PRKG1: variants seen among roughly 807,000 people sequenced by gnomAD.
PRKG1 encodes the protein protein kinase cGMP-dependent 1, also known as cGMP-dependent protein kinase 1.
PRKG1 carries 35 observed loss-of-function variants against 88.1 expected under a neutral mutation model. That is an observed-to-expected ratio of 0.40 (90% confidence interval 0.30 to 0.53). PRKG1 has a LOEUF of 0.53. Among genes scored for constraint, PRKG1 ranks in the 20% least tolerant of loss-of-function variants. The pLI is 0.59. For missense variants in PRKG1, 540 were observed against 839.8 expected, an observed-to-expected ratio of 0.64 and a Z score of 4.41; for synonymous variants, 303 against 292.5, an observed-to-expected ratio of 1.04 and a Z score of -0.37.
At chr10:51,712,723 G>A (rs1313392811) in intron 3 of PRKG1, among the ~76,000 whole-genome samples, 1 of 151,364 alleles carries the variant, frequency 6.6e-6, no homozygotes, top group Non-Finnish European at 1.5e-5. Context: ...CGGAGTAGCT[G>A]GGACTATAGG....
In PRKG1 at chr10:52,288,894, A is replaced by G. The variant is rs201926379; in HGVS notation, c.1833-37A>G. 4 of 1,594,906 alleles carry G rather than the reference A, an allele frequency of 2.5e-6. No individual in the cohort carries two copies. The East Asian group carries it at 6.7e-5, about 27-fold the overall frequency. ...ATTTTTGAAAACATCATAATGTGAA[A>G]AAATTAGATTTAATAAAACCATTAT... On this transcript the variant is annotated intron_variant, in intron 15 of 17. Transcript: ENST00000373980.
intron 2 of PRKG1, among the ~76,000 whole-genome samples, chr10:51,458,170 A>G (rs1375034019): frequency 6.6e-6 from 1 of 152,190 alleles, no homozygotes; most frequent in African/African-American, 2.4e-5. Context: ...TCAAGCGCAG[A>G]TATTTTAAAC....
At chr10:51,619,727 G>T (rs980729593) in intron 3 of PRKG1, among the ~76,000 whole-genome samples, 1 of 152,150 alleles carries the variant, frequency 6.6e-6, no homozygotes, top group East Asian at 1.9e-4. Context: ...CGTTTTAAAA[G>T]ATTTTAGAGA....
intron 2 of PRKG1, among the ~76,000 whole-genome samples, chr10:51,190,640 T>C (rs1308090731): frequency 2.0e-5 from 3 of 151,874 alleles, no homozygotes; most frequent in Non-Finnish European, 4.4e-5. Context: ...CTTTGTGCTC[T>C]CTTTCCTTTG....
intron 3 of PRKG1, among the ~76,000 whole-genome samples, chr10:51,621,628 A>C (rs1408625038): frequency 1.3e-5 from 2 of 152,132 alleles, no homozygotes; most frequent in East Asian, 1.9e-4. Context: ...GAAAAACCAA[A>C]ACCTCTATCT....
At position 52,102,189 on chromosome 10, in the gene PRKG1, G is replaced by C. The variant is rs368225427; in HGVS notation, c.936-31651G>C. On this transcript the variant is annotated intron_variant, in intron 7 of 17. Transcript: ENST00000373980. Reference sequence around the variant, plus strand: ...GCCTTTTTACAGTTTTTTTTGTTTTGTTTTTTGTTGTTTACATTGGACAAT... The same window carrying C: ...GCCTTTTTACAGTTTTTTTTGTTTTCTTTTTTGTTGTTTACATTGGACAAT... Among the ~76,000 whole-genome samples, 47 of 151,936 alleles carry C rather than the reference G, an allele frequency of 3.1e-4. No homozygotes were observed. The East Asian group carries it at 7.7e-3, about 25-fold the overall frequency.
intron 1 of PRKG1, among the ~76,000 whole-genome samples, chr10:51,016,615 A>G (rs946134269): frequency 1.4e-5 from 2 of 144,660 alleles, no homozygotes; most frequent in African/African-American, 2.6e-5. Context: ...GCAGTTTTAT[A>G]TTATTTCATT....
At chr10:51,235,301 T>C (rs1243953666) in intron 2 of PRKG1, among the ~76,000 whole-genome samples, 1 of 152,184 alleles carries the variant, frequency 6.6e-6, no homozygotes, top group Non-Finnish European at 1.5e-5. Flanking sequence ...TTTGTTCCTC[T>C]TTGGACACAA....
chr10:51,635,251 T>A (rs1432611521), intron 3 of PRKG1, among the ~76,000 whole-genome samples: 1 of 138,228 alleles, frequency 7.2e-6, no homozygotes, highest in Non-Finnish European at 1.5e-5. Context: ...TGAAATAGAC[T>A]GGAAAGGAAA....
intron 4 of PRKG1, among the ~76,000 whole-genome samples, chr10:51,810,826 C>T (rs552777092): frequency 6.6e-6 from 1 of 152,160 alleles, no homozygotes; most frequent in African/African-American, 2.4e-5. Flanking sequence ...ATGGGCCATA[C>T]TTCAACCAAA....
intron 3 of PRKG1, among the ~76,000 whole-genome samples, chr10:51,744,553 A>G: frequency 6.6e-6 from 1 of 152,198 alleles, no homozygotes; most frequent in Non-Finnish European, 1.5e-5. Context: ...CTACCCTTAC[A>G]TAAGAATAGT....
intron 5 of PRKG1, among the ~76,000 whole-genome samples, chr10:51,957,600 A>G (rs988650164): frequency 2.0e-5 from 3 of 152,290 alleles, no homozygotes; most frequent in Middle Eastern, 3.4e-3. Context: ...ACTGTGAAAA[A>G]TATTTTAAAA....
Position 52,297,299 on chromosome 10 carries a change from G to C in PRKG1, c.*3399G>C, listed in dbSNP as rs1434090693. ...TATTGAAAATTATGTCAACTGTACT[G>C]TTATTCATCTGTCCCATAGTTTAGA... On this transcript the variant is annotated 3_prime_UTR_variant, in exon 18 of 18. Coordinates refer to ENST00000373980, the MANE Select transcript of PRKG1 (RefSeq NM_006258.4). The C allele has an allele frequency of 6.6e-6, 1 of 151,934 alleles. No homozygotes were observed. Among genetic ancestry groups the C allele is most frequent in the Non-Finnish European group, 1.5e-5 (1 of 67,972 alleles). 9.4% of individuals were successfully genotyped at this position (151,934 alleles called of 1,614,324 possible).
chr10:51,109,162 G>A (rs955516198), intron 1 of PRKG1, among the ~76,000 whole-genome samples: 2 of 152,008 alleles, frequency 1.3e-5, no homozygotes, highest in African/African-American at 4.8e-5. Context: ...TCAGAAAATT[G>A]ATCTATAGTT....
At chr10:52,194,832 T>G (rs1331965972) in intron 9 of PRKG1, among the ~76,000 whole-genome samples, 1 of 152,144 alleles carries the variant, frequency 6.6e-6, no homozygotes, top group Non-Finnish European at 1.5e-5. Context: ...GTAGCACAAT[T>G]AACTGTCCCA....
At chr10:51,450,530 C>T (rs2132769230) in intron 2 of PRKG1, among the ~76,000 whole-genome samples, 1 of 152,064 alleles carries the variant, frequency 6.6e-6, no homozygotes, top group East Asian at 1.9e-4. Flanking sequence ...GTGCTCCAGC[C>T]AACTAACTTA....
At chr10:51,730,314 A>G (rs561619057) in intron 3 of PRKG1, among the ~76,000 whole-genome samples, 4 of 152,232 alleles carry the variant, frequency 2.6e-5, no homozygotes, top group African/African-American at 4.8e-5. Flanking sequence ...TTACTGTTTA[A>G]TATGTTACAA....
intron 9 of PRKG1, among the ~76,000 whole-genome samples, chr10:52,184,200 GT>G (rs1589682253): frequency 6.6e-6 from 1 of 152,144 alleles, no homozygotes; most frequent in African/African-American, 2.4e-5. Context: ...AAATGAAACA[GT>G]TAAGAAATTA....
At position 51,633,563 on chromosome 10, in the gene PRKG1, G is replaced by A. The variant is rs1294001195; in HGVS notation, c.592+165727G>A. 4.6e-5 allele frequency among the ~76,000 whole-genome samples: 7 copies of A among 152,196 alleles called. No homozygotes were observed. In the South Asian group the frequency reaches 1.2e-3, roughly 27 times the overall value. On this transcript the variant is annotated intron_variant, in intron 3 of 17. Coordinates refer to ENST00000373980, the MANE Select transcript of PRKG1 (RefSeq NM_006258.4). ...TATTTCTGAAGTATAAAAAAGTGAA[G>A]GCATAAACATGATAATGAATGACAA... is the stretch of plus-strand genomic sequence containing the variant.
Sources: gnomAD v4.1 joint callset for allele counts (sites outside exome capture counted in the v4.1 genomes callset) on GRCh38, gnomAD v4.1.1 for gene constraint, MANE v1.5 for transcripts, NCBI Gene and HGNC (gene_info 2026-07-23, HGNC 2026-07-21) for gene names.